The following MCUB variants were observed in gnomAD, a reference collection of about 807,000 sequenced individuals.
MCUB encodes mitochondrial calcium uniporter dominant negative subunit beta, also known as calcium uniporter regulatory subunit MCUb, mitochondrial.
A neutral mutation model predicts 41.4 loss-of-function variants in MCUB; 46 were observed. The ratio of observed to expected loss-of-function variants is 1.11; its 90% confidence interval spans 0.88 to 1.42. MCUB has a LOEUF of 1.42. Among genes scored for constraint, MCUB ranks in the 40% most tolerant of loss-of-function variants. The pLI is 0.00. For synonymous variants in MCUB, 148 were observed against 148.2 expected (o/e 1.00, Z 0.01); for missense variants, 403 against 404.9 (o/e 1.00, Z 0.04).
chr4:109,676,169 G>A (rs575036201), intron 4 of MCUB, among the ~76,000 whole-genome samples: 10 of 152,160 alleles, frequency 6.6e-5, no homozygotes, highest in Admixed American at 3.9e-4. Context: ...GTCAGGGCTC[G>A]GAAGAGAATA....
intron 1 of MCUB, among the ~76,000 whole-genome samples, chr4:109,570,392 G>T (rs552980968): frequency 1.2e-4 from 19 of 152,332 alleles, no homozygotes; most frequent in African/African-American, 4.3e-4. Context: ...TAAGGAGATA[G>T]CTGTCATTGT....
At chr4:109,588,873 T>C (rs567880704) in intron 1 of MCUB, among the ~76,000 whole-genome samples, 6 of 152,126 alleles carry the variant, frequency 3.9e-5, no homozygotes, top group Non-Finnish European at 4.4e-5. Context: ...AAATTGGATA[T>C]AAAGAATGAT....
chr4:109,633,569 TTTAA>T (rs1173082066), intron 1 of MCUB, among the ~76,000 whole-genome samples: 2 of 152,208 alleles, frequency 1.3e-5, no homozygotes, highest in Admixed American at 6.5e-5. Context: ...GCACTCAGCC[TTTAA>T]TTAATTTTTA....
At chr4:109,564,263 C>G (rs1726718913) in intron 1 of MCUB, among the ~76,000 whole-genome samples, 3 of 152,106 alleles carry the variant, frequency 2.0e-5, no homozygotes. Context: ...CTCCAAGTAG[C>G]TGGGATTACA....
chr4:109,614,416 T>TG (rs1435056328), intron 1 of MCUB, among the ~76,000 whole-genome samples: 1 of 151,970 alleles, frequency 6.6e-6, no homozygotes, highest in East Asian at 1.9e-4. Flanking sequence ...CTCTCATGGT[T>TG]GGATTAGTGT....
rs1280752401 is a variant in MCUB, at chr4:109,682,684, A to G, written c.554A>G (p.Glu185Gly). ...LHLEESQKKR[E>G]HHLLEKIDHL... ...TTAGAAGAGTCTCAGAAAAAGAGAG[A>G]GCACCATTTACTGGAGAAAATTGAC... is the stretch of plus-strand genomic sequence containing the variant. Residue 185 changes from glutamate (E) to glycine (G), a missense_variant, in exon 5 of 8, where the codon GAG becomes GGG. Glu to Gly is a moderately conservative substitution (Grantham distance 98). Transcript: ENST00000394650. 9 of 1,613,598 alleles carry G rather than the reference A, an allele frequency of 5.6e-6. No individual in the cohort carries two copies. The highest frequency in any genetic ancestry group is 7.6e-6 in the Non-Finnish European group (9 of 1,179,494).
intron 1 of MCUB, chr4:109,648,371 T>G: frequency 4.2e-6 from 1 of 240,418 alleles, no homozygotes. Flanking sequence ...TGGTGAGAAA[T>G]TACAGTAGGT....
At chr4:109,617,130 TG>T (rs1336842748) in intron 1 of MCUB, among the ~76,000 whole-genome samples, 2 of 152,240 alleles carry the variant, frequency 1.3e-5, no homozygotes, top group Non-Finnish European at 2.9e-5. Context: ...TACATAATAA[TG>T]ATTTATGCAA....
chr4:109,662,849 G>A (rs1310883330), intron 3 of MCUB, among the ~76,000 whole-genome samples: 1 of 151,962 alleles, frequency 6.6e-6, no homozygotes, highest in Non-Finnish European at 1.5e-5. Flanking sequence ...AAGACTCTGT[G>A]GGTGGAATTT....
At chr4:109,665,069 T>C (rs1343773627) in intron 4 of MCUB, among the ~76,000 whole-genome samples, 1 of 152,202 alleles carries the variant, frequency 6.6e-6, no homozygotes, top group Non-Finnish European at 1.5e-5. Context: ...CACACCAGAC[T>C]GGTATATTTA....
intron 1 of MCUB, among the ~76,000 whole-genome samples, chr4:109,624,687 C>T (rs758867225): frequency 1.1e-4 from 17 of 152,096 alleles, no homozygotes; most frequent in Non-Finnish European, 1.5e-4. Flanking sequence ...AGAAAGTTAA[C>T]GGCAAAGAAA....
intron 1 of MCUB, among the ~76,000 whole-genome samples, chr4:109,586,216 G>T (rs1187296511): frequency 6.6e-6 from 1 of 152,040 alleles, no homozygotes; most frequent in Non-Finnish European, 1.5e-5. Context: ...TTCAATCACT[G>T]ATACCCTTGC....
chr4:109,599,433 C>T (rs1391737600), intron 1 of MCUB, among the ~76,000 whole-genome samples: 1 of 152,160 alleles, frequency 6.6e-6, no homozygotes, highest in East Asian at 1.9e-4. Flanking sequence ...TTTTTTTCAG[C>T]TCCAAAGTAT....
At chr4:109,669,530 T>G (rs933055573) in intron 4 of MCUB, among the ~76,000 whole-genome samples, 3 of 152,168 alleles carry the variant, frequency 2.0e-5, no homozygotes, top group East Asian at 3.8e-4. Context: ...TTGTGTTCTC[T>G]GAGCTTCCTG....
chr4:109,662,279 A>C (rs1244469430), intron 3 of MCUB, among the ~76,000 whole-genome samples: 5 of 152,178 alleles, frequency 3.3e-5, no homozygotes, highest in Non-Finnish European at 7.4e-5. Context: ...AGGCACAGGA[A>C]CACTGGAATG....
At chr4:109,572,354 C>T (rs777232867) in intron 1 of MCUB, among the ~76,000 whole-genome samples, 3 of 152,116 alleles carry the variant, frequency 2.0e-5, no homozygotes, top group Non-Finnish European at 2.9e-5. Context: ...AAGATGCTGA[C>T]GATATGGTTT....
intron 1 of MCUB, among the ~76,000 whole-genome samples, chr4:109,634,576 T>G (rs1056583485): frequency 1.3e-5 from 2 of 152,148 alleles, no homozygotes; most frequent in African/African-American, 4.8e-5. Context: ...CTTCCAACAC[T>G]GTAGATTACT....
chr4:109,636,758 C>G (rs1484267788), intron 1 of MCUB, among the ~76,000 whole-genome samples: 1 of 152,180 alleles, frequency 6.6e-6, no homozygotes, highest in Non-Finnish European at 1.5e-5. Flanking sequence ...TCGCTTGAAC[C>G]TGGGAGGCGG....
In MCUB at chr4:109,656,354, CTTTTTTTTTTTTTTTTTTTTTT is replaced by C. The variant is rs752851425; in HGVS notation, c.100-2640_100-2619del. 8.4e-4 allele frequency among the ~76,000 whole-genome samples: 52 copies of C among 62,116 alleles called. 1 individual carries two copies. The highest frequency in any genetic ancestry group is 3.5e-3 in the South Asian group (5 of 1,440). 40.8% of individuals were successfully genotyped at this position (62,116 alleles called of 152,430 possible). Reference sequence around the variant, plus strand: ...GAGGGGCTCTAACTTTTACTCTCTACTTTTTTTTTTTTTTTTTTTTTTTTTTTTTTTTTTTTTTGGAGACAGG... The same window carrying C: ...GAGGGGCTCTAACTTTTACTCTCTACTTTTTTTTTTTTTTTTGGAGACAGG... On this transcript the variant is annotated intron_variant, in intron 1 of 7. Coordinates refer to ENST00000394650, the MANE Select transcript of MCUB (RefSeq NM_017918.5).
Sources: allele counts gnomAD v4.1 joint callset (sites outside exome capture counted in the v4.1 genomes callset), GRCh38; gene constraint gnomAD v4.1.1; transcripts MANE v1.5; gene names NCBI Gene and HGNC (gene_info 2026-07-23, HGNC 2026-07-21).